NMRK2: variants seen among roughly 807,000 people sequenced by gnomAD.
NMRK2 encodes NRK 2.
A neutral mutation model predicts 24.7 loss-of-function variants in NMRK2; 34 were observed. The observed-to-expected ratio is 1.37, with a 90% CI of 1.05 to 1.83. The LOEUF (loss-of-function observed/expected upper bound fraction) is 1.83, where lower values mean the gene tolerates loss of function less well. Ranked by LOEUF, NMRK2 falls within the 40% of genes most tolerant of loss-of-function variation. NMRK2 has a pLI of 0.00. For synonymous variants in NMRK2, 145 were observed against 125.6 expected, an observed-to-expected ratio of 1.15 and a Z score of -1.03; for missense variants, 341 against 315.0, an observed-to-expected ratio of 1.08 and a Z score of -0.62.
chr19:3,938,844 GTTT>G (rs1269335341), intron 5 of NMRK2, 85 bp downstream of exon 5: 13,403 of 173,964 alleles, frequency 0.077, 591 homozygotes, highest in Non-Finnish European at 0.088. Context: ...TTTTTTTTTT[GTTT>G]TGTTTTTTTT....
At position 3,942,304 on chromosome 19, in the gene NMRK2, G is replaced by A. The variant is rs770815197; in HGVS notation, c.*31G>A. The A allele has an allele frequency of 5.1e-6, 8 of 1,557,768 alleles. No homozygotes were observed. The highest frequency in any genetic ancestry group is 1.4e-5 in the African/African-American group (1 of 73,988). ...TCCCTATGGGGGTGTCTGTACGTAG[G>A]AGAGTGGAGGCCCCACTCCCAGTTG... On this transcript the variant is annotated 3_prime_UTR_variant, in exon 8 of 8. Transcript: ENST00000168977.
At chr19:3,941,223 G>T in intron 7 of NMRK2, 46 bp downstream of exon 7, 1 of 1,027,464 alleles carries the variant, frequency 9.7e-7, no homozygotes. Flanking sequence ...CGGGCGGGGG[G>T]GACCCTGGGC....
intron 2 of NMRK2, among the ~76,000 whole-genome samples, chr19:3,935,967 T>A (rs969690828): frequency 3.3e-5 from 5 of 152,010 alleles, no homozygotes; most frequent in Non-Finnish European, 7.4e-5. Flanking sequence ...TCCCAGCACT[T>A]TGGGAGGCCA....
intron 2 of NMRK2, 111 bp from the exon 3 acceptor site, chr19:3,936,464 G>A: frequency 1.6e-6 from 1 of 633,598 alleles, no homozygotes; most frequent in East Asian, 3.0e-5. Context: ...GGAAGACCCT[G>A]AGACATGGAC....
In NMRK2 at chr19:3,939,977, C is replaced by T; in HGVS notation, c.395+6C>T. 2 of 1,610,670 alleles carry T rather than the reference C, an allele frequency of 1.2e-6. No individual in the cohort carries two copies. The highest frequency in any genetic ancestry group is 2.7e-5 in the African/African-American group (2 of 74,892). On this transcript the variant is annotated splice_donor_region_variant and intron_variant, in intron 6 of 7. Coordinates refer to ENST00000168977, the MANE Select transcript of NMRK2 (RefSeq NM_170678.3). Reference sequence around the variant, plus strand: ...GAGTGCAAGTGGAGGAGAAGGTGCACTTGGTGTCTGGGGGTGCGGTGGGCT... The same window carrying T: ...GAGTGCAAGTGGAGGAGAAGGTGCATTTGGTGTCTGGGGGTGCGGTGGGCT...
rs1178177619 is a variant in NMRK2, at chr19:3,938,822, GTTTTT to G, written c.323+80_323+84del. ...CTCTGGGCGGGTATAGCCATCTCTT[GTTTTT>G]TTTTTTTTTTTTTTTTGTTTTGTTT... On this transcript the variant is annotated intron_variant, in intron 5 of 7. Transcript: ENST00000168977. The G allele has an allele frequency of 2.1e-3, 388 of 183,580 alleles. 2 individuals carry two copies. The highest frequency in any genetic ancestry group is 2.6e-3 in the Non-Finnish European group (305 of 117,494). The allele number at this position is 183,580 out of a possible 1,614,324, so 11.4% of individuals were successfully genotyped here.
intron 3 of NMRK2, 134 bp downstream of exon 3, chr19:3,936,799 C>T: frequency 1.5e-6 from 1 of 669,894 alleles, no homozygotes; most frequent in Non-Finnish European, 2.5e-6. Context: ...CTGACCCCTC[C>T]TGGGGTCTCT....
chr19:3,933,816 C>G, intron 2 of NMRK2, 119 bp downstream of exon 2: 1 of 1,034,360 alleles, frequency 9.7e-7, no homozygotes, highest in South Asian at 2.3e-5. Flanking sequence ...TACACGCCGC[C>G]CGAGGTCAGA....
chr19:3,938,817 C>CTAT, intron 5 of NMRK2, 58 bp downstream of exon 5: 1 of 430,324 alleles, frequency 2.3e-6, no homozygotes, highest in Non-Finnish European at 3.6e-6. Context: ...GTATAGCCAT[C>CTAT]TCTTGTTTTT....
Position 3,941,078 on chromosome 19 carries a change from A to C in NMRK2, c.403A>C (p.Asn135His). Residue 135 changes from asparagine (N) to histidine (H), a missense_variant, in exon 7 of 8, where the codon AAC becomes CAC. Physicochemically the swap from Asn to His is moderately conservative, Grantham distance 68. Transcript: ENST00000168977. ...TGCCTTCTCCCTCTGCAGTACCCGC[A>C]ACTACACAGTCCCTGATCCCCCCGG... The part of the protein sequence containing the change: ...EECKWRRSTR[N>H]YTVPDPPGLF... The C allele has an allele frequency of 6.2e-7, 1 of 1,612,100 alleles. No homozygotes were observed. The highest frequency in any genetic ancestry group is 1.7e-4 in the Middle Eastern group (1 of 6,054).
chr19:3,940,872 A>ATGT (rs2039319278), intron 6 of NMRK2, among the ~76,000 whole-genome samples, 199 bp from the exon 7 acceptor site: 2 of 152,098 alleles, frequency 1.3e-5, no homozygotes, highest in Admixed American at 1.3e-4. Flanking sequence ...GCCCACCCCA[A>ATGT]CCCTGTCCAG....
chr19:3,940,873 C>A (rs2039319307), intron 6 of NMRK2, among the ~76,000 whole-genome samples, 198 bp from the exon 7 acceptor site: 1 of 152,228 alleles, frequency 6.6e-6, no homozygotes, highest in Non-Finnish European at 1.5e-5. Flanking sequence ...CCCACCCCAA[C>A]CCTGTCCAGG....
Position 3,942,244 on chromosome 19 carries a change from C to A in NMRK2, c.664C>A (p.Pro222Thr). ...GRGCGHRTAR[P>T]AASQQDSM ...CGGATGCGGCCACAGAACGGCCAGG[C>A]CTGCAGCGTCCCAGCAGGACAGCAT... Residue 222 changes from proline (P) to threonine (T), a missense_variant, in exon 8 of 8, where the codon CCT becomes ACT. Pro to Thr is a conservative substitution (Grantham distance 38). Coordinates refer to ENST00000168977, the MANE Select transcript of NMRK2 (RefSeq NM_170678.3). 1.2e-6 allele frequency: 2 copies of A among 1,611,498 alleles called. No individual in the cohort carries two copies. Among genetic ancestry groups the A allele is most frequent in the Non-Finnish European group, 1.7e-6 (2 of 1,179,458 alleles).
Position 3,933,619 on chromosome 19 carries a change from G to C in NMRK2, c.-53G>C. 5 of 1,513,564 alleles carry C rather than the reference G, an allele frequency of 3.3e-6. No homozygotes were observed. Among genetic ancestry groups the C allele is most frequent in the Non-Finnish European group, 4.4e-6 (5 of 1,131,918 alleles). The allele number at this position is 1,513,564 out of a possible 1,614,324, so 93.8% of individuals were successfully genotyped here. On this transcript the variant is annotated 5_prime_UTR_variant, in exon 2 of 8. Coordinates refer to ENST00000168977, the MANE Select transcript of NMRK2 (RefSeq NM_170678.3). ...GCACTCCGGAGCGCACTGCGTGGTC[G>C]CACCCTACCCGGGCTGCCTTGGAAG... is the stretch of plus-strand genomic sequence containing the variant.
intron 6 of NMRK2, among the ~76,000 whole-genome samples, 176 bp downstream of exon 6, chr19:3,940,147 G>A (rs1297548911): frequency 6.6e-6 from 1 of 151,854 alleles, no homozygotes; most frequent in Non-Finnish European, 1.5e-5. Flanking sequence ...AGGAGTTCGA[G>A]ACCAGCCTGG....
chr19:3,935,287 G>T (rs1047507373), intron 2 of NMRK2, among the ~76,000 whole-genome samples: 16 of 122,624 alleles, frequency 1.3e-4, no homozygotes, highest in African/African-American at 4.4e-4. Context: ...ACAAAATCTC[G>T]TTCTGTCACC....
chr19:3,936,937 GC>G (rs1353546550), intron 3 of NMRK2, among the ~76,000 whole-genome samples: 2 of 152,178 alleles, frequency 1.3e-5, no homozygotes, highest in Non-Finnish European at 2.9e-5. Flanking sequence ...GGATGGGAAA[GC>G]CACCATTCCT....
rs1354171173 is a variant in NMRK2 at position 3,934,565 on chromosome 19, TG to T, written c.26+878del. On this transcript the variant is annotated intron_variant, in intron 2 of 7. Coordinates refer to ENST00000168977, the MANE Select transcript of NMRK2 (RefSeq NM_170678.3). ...TTTTGTTTTTTGGGGTTTTTTTTTT[TG>T]GGGGGGGGGTGTTGTTGTTGCCGTC... is the stretch of plus-strand genomic sequence containing the variant. Among the ~76,000 whole-genome samples the T allele has an allele frequency of 8.1e-4, 107 of 132,772 alleles. 1 individual carries two copies. The highest frequency in any genetic ancestry group is 1.8e-3 in the African/African-American group (64 of 35,674). The allele number at this position is 132,772 out of a possible 152,430, so 87.1% of individuals were successfully genotyped here.
At chr19:3,934,074 C>T (rs2039169203) in intron 2 of NMRK2, among the ~76,000 whole-genome samples, 3 of 152,152 alleles carry the variant, frequency 2.0e-5, no homozygotes, top group East Asian at 3.9e-4. Context: ...ACGGTGAAAC[C>T]CCGTCTCTAC....
Sources: gnomAD v4.1 joint callset for allele counts (sites outside exome capture counted in the v4.1 genomes callset) on GRCh38, gnomAD v4.1.1 for gene constraint, MANE v1.5 for transcripts, NCBI Gene and HGNC (gene_info 2026-07-23, HGNC 2026-07-21) for gene names.